The following JMJD1C variants were observed in gnomAD, a reference collection of about 807,000 sequenced individuals.
JMJD1C encodes jumonji domain containing 1C, also known as jumonji domain-containing protein 1C.
Under a neutral mutation model 245.3 loss-of-function variants are expected in JMJD1C, and 31 were observed. The ratio of observed to expected loss-of-function variants is 0.13; its 90% confidence interval spans 0.09 to 0.17. The LOEUF is 0.17. JMJD1C is among the 10% of genes least tolerant of loss of function. The pLI is 1.00. For missense variants in JMJD1C, 2,691 were observed against 3,000.2 expected, an observed-to-expected ratio of 0.90 and a Z score of 2.41; for synonymous variants, 1,057 against 1,017.4, an observed-to-expected ratio of 1.04 and a Z score of -0.74.
intron 1 of JMJD1C, among the ~76,000 whole-genome samples, chr10:63,401,143 G>C (rs959982021): frequency 1.3e-5 from 2 of 152,210 alleles, no homozygotes; most frequent in Non-Finnish European, 2.9e-5. Context: ...ACAGGCGTGA[G>C]CCACTGCACC....
At chr10:63,308,197 A>G (rs1299683262) in intron 2 of JMJD1C, among the ~76,000 whole-genome samples, 1 of 152,130 alleles carries the variant, frequency 6.6e-6, no homozygotes, top group African/African-American at 2.4e-5. Flanking sequence ...ATGCATACTA[A>G]TATCTAACGA....
chr10:63,382,649 T>A (rs1385079983), intron 1 of JMJD1C, among the ~76,000 whole-genome samples: 1 of 152,220 alleles, frequency 6.6e-6, no homozygotes, highest in African/African-American at 2.4e-5. Context: ...AAGGATGTTA[T>A]AATTTGGAAA....
intron 2 of JMJD1C, among the ~76,000 whole-genome samples, chr10:63,305,365 T>TGA (rs1937902871): frequency 3.7e-5 from 1 of 27,214 alleles, no homozygotes; most frequent in Non-Finnish European, 7.2e-5. Context: ...AGACTCCACC[T>TGA]CAAAAAAAAA....
intron 10 of JMJD1C, chr10:63,202,764 A>G (rs2133102302): frequency 1.0e-6 from 1 of 985,420 alleles, no homozygotes; most frequent in East Asian, 1.1e-4. Flanking sequence ...ATTGTGCAAA[A>G]GAGATTTTTC....
intron 2 of JMJD1C, among the ~76,000 whole-genome samples, chr10:63,337,624 A>AAAAGAAAAGAAAAGAAAAAGAAAAAG (rs139374030): frequency 5.0e-5 from 3 of 60,192 alleles, no homozygotes; most frequent in Non-Finnish European, 9.9e-5. Context: ...AAAAGAAAAG[A>AAAAGAAAAGAAAAGAAAAAGAAAAAG]AAAAGAAAAG....
At chr10:63,260,258 T>C (rs72829202) in intron 3 of JMJD1C, among the ~76,000 whole-genome samples, 30,650 of 152,146 alleles carry the variant, frequency 0.2, 4,046 homozygotes, top group Non-Finnish European at 0.29. Flanking sequence ...AGGAATGTGA[T>C]GCCTAAAAAT....
In JMJD1C at chr10:63,185,660, G is replaced by A. The variant is rs749117336; in HGVS notation, c.6740-7C>T. The A allele has an allele frequency of 2.0e-6, 3 of 1,507,736 alleles. No individual in the cohort carries two copies. In the Admixed American group the frequency reaches 5.2e-5, roughly 26 times the overall value. 93.4% of individuals were successfully genotyped at this position (1,507,736 alleles called of 1,614,324 possible). ...CTCTTGTTTTTCTGCCGTTCTATAA[G>A]GAATGCAGTTAATTACTAAAAGGGT... On this transcript the variant is annotated splice_region_variant and splice_polypyrimidine_tract_variant and intron_variant, in intron 19 of 25. Transcript: ENST00000399262.
Position 63,214,215 on chromosome 10 carries a change from T to C in JMJD1C, c.1952A>G (p.His651Arg). 1 of 1,613,984 alleles carries C rather than the reference T, an allele frequency of 6.2e-7. No homozygotes were observed. The highest frequency in any genetic ancestry group is 8.5e-7 in the Non-Finnish European group (1 of 1,179,984). Reference sequence around the variant, plus strand: ...CTTAGACTTTACAGAATCAGGAGAATGAGTTATTTTGGGTTTAACAACTTC... The same window carrying C: ...CTTAGACTTTACAGAATCAGGAGAACGAGTTATTTTGGGTTTAACAACTTC... The part of the protein sequence containing the change: ...SPEVVKPKIT[H>R]SPDSVKSKAT... The change falls in exon 8 of 26, where the codon CAT (histidine) becomes CGT (arginine). Residue 651 changes from histidine (H) to arginine (R), a missense_variant. Around this residue, in one of 9 missense-constraint regions of JMJD1C, gnomAD observed 1,562 missense variants for 1,490.7 expected, o/e 1.05. Transcript: ENST00000399262.
intron 1 of JMJD1C, among the ~76,000 whole-genome samples, chr10:63,486,155 A>AC (rs1953991204): frequency 2.1e-5 from 1 of 48,082 alleles, no homozygotes; most frequent in African/African-American, 5.4e-5. Context: ...AAAAAAAAAA[A>AC]AAAAAAAAAA....
Position 63,206,658 on chromosome 10 carries a change from T to C in JMJD1C, c.5011A>G (p.Asn1671Asp). The change falls in exon 10 of 26, where the codon AAT (asparagine) becomes GAT (aspartate). Residue 1671 changes from asparagine (N) to aspartate (D), a missense_variant. Physicochemically the swap from Asn to Asp is conservative, Grantham distance 23. Around this residue, in one of 9 missense-constraint regions of JMJD1C, gnomAD observed 144 missense variants for 143.3 expected, o/e 1.00. Coordinates refer to ENST00000399262, the MANE Select transcript of JMJD1C (RefSeq NM_032776.3). ...KGEIEEDLKPNGVLSRSAKER... is the reference protein window; with the variant it reads ...KGEIEEDLKPDGVLSRSAKER... Reference sequence around the variant, plus strand: ...TTGGCACTCCTGCTGAGAACTCCATTGGGTTTCAAATCTTCTTCTATTTCA... The same window carrying C: ...TTGGCACTCCTGCTGAGAACTCCATCGGGTTTCAAATCTTCTTCTATTTCA... 1.2e-6 allele frequency: 2 copies of C among 1,611,910 alleles called. No individual in the cohort carries two copies. Among genetic ancestry groups the C allele is most frequent in the Non-Finnish European group, 1.7e-6 (2 of 1,179,426 alleles).
chr10:63,180,767 TA>T (rs1337584341), intron 22 of JMJD1C, among the ~76,000 whole-genome samples: 35 of 102,280 alleles, frequency 3.4e-4, no homozygotes, highest in Non-Finnish European at 6.3e-4. Context: ...CATGCACAGC[TA>T]ATTTTTTTTT....
chr10:63,310,406 T>C (rs533797628), intron 2 of JMJD1C, among the ~76,000 whole-genome samples: 81 of 152,328 alleles, frequency 5.3e-4, no homozygotes, highest in African/African-American at 1.9e-3. Flanking sequence ...TTTAAGACAT[T>C]GTTCTATTGG....
At chr10:63,325,732 A>G (rs532011680) in intron 2 of JMJD1C, among the ~76,000 whole-genome samples, 37 of 152,350 alleles carry the variant, frequency 2.4e-4, no homozygotes, top group African/African-American at 7.7e-4. Flanking sequence ...AATATAACTG[A>G]TAAACAGTTA....
chr10:63,284,732 A>G (rs1857774246), intron 2 of JMJD1C, among the ~76,000 whole-genome samples: 1 of 152,150 alleles, frequency 6.6e-6, no homozygotes, highest in South Asian at 2.1e-4. Flanking sequence ...ATTAATAAAA[A>G]CAAGCTAATT....
intron 1 of JMJD1C, among the ~76,000 whole-genome samples, chr10:63,434,753 T>C (rs1485123123): frequency 6.6e-6 from 1 of 152,132 alleles, no homozygotes; most frequent in East Asian, 1.9e-4. Context: ...ACCAAGCCTA[T>C]GTGCTTTTAA....
intron 2 of JMJD1C, among the ~76,000 whole-genome samples, chr10:63,286,927 T>C (rs1413872381): frequency 6.6e-6 from 1 of 152,132 alleles, no homozygotes; most frequent in African/African-American, 2.4e-5. Flanking sequence ...CAACTTTCTA[T>C]GCATACTAAG....
intron 2 of JMJD1C, among the ~76,000 whole-genome samples, chr10:63,267,521 A>G (rs1206392811): frequency 6.6e-6 from 1 of 152,334 alleles, no homozygotes; most frequent in East Asian, 1.9e-4. Flanking sequence ...GAACTCATGC[A>G]TAACTAATTC....
At chr10:63,243,674 A>G (rs897842651) in intron 3 of JMJD1C, among the ~76,000 whole-genome samples, 5 of 150,734 alleles carry the variant, frequency 3.3e-5, no homozygotes, top group Non-Finnish European at 5.9e-5. Flanking sequence ...ATACAAGTAC[A>G]GACTTCCAGT....
At chr10:63,520,650 A>G (rs1245528246) in intron 1 of JMJD1C, among the ~76,000 whole-genome samples, 3 of 152,224 alleles carry the variant, frequency 2.0e-5, no homozygotes, top group Admixed American at 6.5e-5. Context: ...AAGACAGGTC[A>G]GGAATCCTAG....
Sources: allele counts gnomAD v4.1 joint callset (sites outside exome capture counted in the v4.1 genomes callset), GRCh38; gene constraint gnomAD v4.1.1; regional missense constraint gnomAD v4.1.1; transcripts MANE v1.5; gene names NCBI Gene and HGNC (gene_info 2026-07-23, HGNC 2026-07-21).